GLIS1: variants seen among roughly 807,000 people sequenced by gnomAD.
The protein encoded by GLIS1 is GLIS family zinc finger 1, also known as zinc finger protein GLIS1.
GLIS1 carries 24 observed loss-of-function variants against 63.8 expected under a neutral mutation model. That is an observed-to-expected ratio of 0.38 (90% CI 0.27 to 0.53). The LOEUF (loss-of-function observed/expected upper bound fraction) is 0.53, where lower values mean the gene tolerates loss of function less well. Among genes scored for constraint, GLIS1 ranks in the 20% least tolerant of loss-of-function variants. The pLI, the probability that GLIS1 is intolerant of heterozygous loss-of-function variation, is 0.85. For synonymous variants in GLIS1, 450 were observed against 482.5 expected (o/e 0.93, Z 0.88); for missense variants, 1,036 against 1,074.1 (o/e 0.96, Z 0.50).
chr1:53,620,593 C>T (rs947045278), intron 2 of GLIS1, among the ~76,000 whole-genome samples: 5 of 152,350 alleles, frequency 3.3e-5, no homozygotes, highest in Admixed American at 2.6e-4. Context: ...CTGTGGCAGA[C>T]GCAGCTCCAG....
intron 2 of GLIS1, among the ~76,000 whole-genome samples, chr1:53,632,937 G>A (rs575144541): frequency 1.3e-5 from 2 of 149,216 alleles, no homozygotes; most frequent in African/African-American, 5.0e-5. Flanking sequence ...TGACTGAGGG[G>A]CATGTGAATG....
intron 2 of GLIS1, among the ~76,000 whole-genome samples, chr1:53,676,440 C>A (rs1646213510): frequency 6.6e-6 from 1 of 152,162 alleles, no homozygotes; most frequent in African/African-American, 2.4e-5. Flanking sequence ...GGAGGAACCT[C>A]CAAGCCTAGG....
At chr1:53,542,445 C>T (rs556133081) in intron 4 of GLIS1, among the ~76,000 whole-genome samples, 11 of 152,288 alleles carry the variant, frequency 7.2e-5, no homozygotes, top group African/African-American at 2.4e-4. Flanking sequence ...TGGCACAGAG[C>T]GGGTGTTCGT....
chr1:53,561,064 G>A (rs528448134), intron 4 of GLIS1, among the ~76,000 whole-genome samples: 22 of 152,154 alleles, frequency 1.4e-4, no homozygotes, highest in Non-Finnish European at 2.5e-4. Context: ...GGATTGGGAT[G>A]GCTTCTCTAC....
At chr1:53,678,964 C>A (rs1039907440) in intron 2 of GLIS1, among the ~76,000 whole-genome samples, 1 of 152,190 alleles carries the variant, frequency 6.6e-6, no homozygotes, top group East Asian at 1.9e-4. Flanking sequence ...AACCTAAAAC[C>A]AGCCCCTGGC....
chr1:53,511,896 G>A lies in GLIS1; in HGVS notation c.1884-1869C>T, dbSNP rs556947110. On this transcript the variant is annotated intron_variant, in intron 8 of 10. Coordinates refer to ENST00000628545, the MANE Select transcript of GLIS1 (RefSeq NM_001367484.1). The surrounding 1 kb of genome is among the most constrained non-coding windows in gnomAD (Gnocchi z 4.2). ...CCTCCCCTGGTTTCCTGAAGCCCCT[G>A]TAGGGAGGGCCAGGTCTTGGCCCTT... Among the ~76,000 whole-genome samples, 63 of 152,288 alleles carry A rather than the reference G, an allele frequency of 4.1e-4. No individual in the cohort carries two copies. The highest frequency in any genetic ancestry group is 7.9e-4 in the Non-Finnish European group (54 of 68,016).
chr1:53,699,643 T>A (rs530382377), intron 2 of GLIS1, among the ~76,000 whole-genome samples: 1 of 152,162 alleles, frequency 6.6e-6, no homozygotes, highest in Non-Finnish European at 1.5e-5. Flanking sequence ...ACCTGTACCA[T>A]AGAGTGGGTG....
chr1:53,590,747 T>C (rs1645184121), intron 4 of GLIS1, among the ~76,000 whole-genome samples: 1 of 152,222 alleles, frequency 6.6e-6, no homozygotes, highest in South Asian at 2.1e-4. Flanking sequence ...GCAAAAAGAT[T>C]AGGGAGCTTC....
intron 2 of GLIS1, among the ~76,000 whole-genome samples, chr1:53,640,692 A>C (rs1645777675): frequency 6.6e-6 from 1 of 152,170 alleles, no homozygotes; most frequent in South Asian, 2.1e-4. Flanking sequence ...CATCATACAG[A>C]AGGGGAAAGT....
At chr1:53,653,176 G>A (rs7522391) in intron 2 of GLIS1, among the ~76,000 whole-genome samples, 15,201 of 152,286 alleles carry the variant, frequency 0.1, 951 homozygotes, top group South Asian at 0.24. Context: ...AAGCAAAGGA[G>A]AAAGAAAAAG....
chr1:53,640,429 A>T (rs1266234679), intron 2 of GLIS1, among the ~76,000 whole-genome samples: 1 of 152,160 alleles, frequency 6.6e-6, no homozygotes, highest in East Asian at 1.9e-4. Context: ...GTTGGTGAAA[A>T]TCCTGGCCTG....
At chr1:53,615,076 G>C (rs1645466730) in intron 2 of GLIS1, among the ~76,000 whole-genome samples, 1 of 151,950 alleles carries the variant, frequency 6.6e-6, no homozygotes, top group Non-Finnish European at 1.5e-5. Context: ...AGACAGAATG[G>C]GACTAGACGG....
intron 2 of GLIS1, among the ~76,000 whole-genome samples, chr1:53,648,762 T>C (rs1286527955): frequency 1.3e-5 from 2 of 152,102 alleles, no homozygotes; most frequent in Non-Finnish European, 2.9e-5. Flanking sequence ...CCCAGCCATA[T>C]CGAGTTCAAA....
intron 2 of GLIS1, among the ~76,000 whole-genome samples, chr1:53,686,250 T>C (rs923498062): frequency 2.0e-5 from 3 of 152,218 alleles, no homozygotes; most frequent in African/African-American, 7.2e-5. Context: ...GAAGATTCCC[T>C]TGCAGCCCAT....
intron 2 of GLIS1, among the ~76,000 whole-genome samples, chr1:53,661,415 G>C (rs2100362242): frequency 6.6e-6 from 1 of 152,282 alleles, no homozygotes; most frequent in Middle Eastern, 3.4e-3. Context: ...TTTGGGCTTT[G>C]TCCTGGAACA....
chr1:53,730,702 C>A (rs576693145), intron 2 of GLIS1, among the ~76,000 whole-genome samples: 1 of 152,154 alleles, frequency 6.6e-6, no homozygotes, highest in Non-Finnish European at 1.5e-5. Flanking sequence ...CGGACCAGAA[C>A]GGCTCCTGCA....
chr1:53,556,386 G>T (rs1459711588), intron 4 of GLIS1, among the ~76,000 whole-genome samples: 9 of 146,724 alleles, frequency 6.1e-5, no homozygotes, highest in Non-Finnish European at 1.0e-4. Context: ...CAGGTGTACT[G>T]CAGGTGTGTG....
At chr1:53,617,365 T>C (rs1645492830) in intron 2 of GLIS1, among the ~76,000 whole-genome samples, 1 of 152,226 alleles carries the variant, frequency 6.6e-6, no homozygotes, top group Non-Finnish European at 1.5e-5. Flanking sequence ...GCCTAGAACA[T>C]AGCTCCATTT....
At chr1:53,559,653 C>T (rs1644866871) in intron 4 of GLIS1, among the ~76,000 whole-genome samples, 1 of 152,184 alleles carries the variant, frequency 6.6e-6, no homozygotes, top group African/African-American at 2.4e-5. Context: ...TGGTCCTGAG[C>T]CCCTGCGAGC....
Sources: allele counts gnomAD v4.1 joint callset (sites outside exome capture counted in the v4.1 genomes callset), GRCh38; gene constraint gnomAD v4.1.1; non-coding constraint Gnocchi (gnomAD v3.1); transcripts MANE v1.5; gene names NCBI Gene and HGNC (gene_info 2026-07-23, HGNC 2026-07-21).